The following FSTL5 variants were observed in gnomAD, a reference collection of about 807,000 sequenced individuals.
FSTL5 encodes the protein follistatin like 5, also known as follistatin-related protein 5.
FSTL5 carries 62 observed loss-of-function variants against 89.1 expected under a neutral mutation model. The observed-to-expected ratio is 0.70, with a 90% CI of 0.57 to 0.86. The LOEUF (loss-of-function observed/expected upper bound fraction) is 0.86, where lower values mean the gene tolerates loss of function less well. Among genes scored for constraint, FSTL5 ranks in the 40% least tolerant of loss-of-function variants. The pLI is 0.00. For synonymous variants in FSTL5, 383 were observed against 346.2 expected (o/e 1.11, Z -1.18); for missense variants, 1,057 against 1,001.6 (o/e 1.06, Z -0.75).
intron 7 of FSTL5, among the ~76,000 whole-genome samples, chr4:161,644,979 T>G (rs1936311821): frequency 6.6e-6 from 1 of 152,164 alleles, no homozygotes; most frequent in African/African-American, 2.4e-5. Context: ...CAGACTTGGT[T>G]TTCTAGCTAT....
chr4:161,907,284 G>T (rs748215503), intron 4 of FSTL5, among the ~76,000 whole-genome samples: 1 of 151,916 alleles, frequency 6.6e-6, no homozygotes, highest in Non-Finnish European at 1.5e-5. Context: ...AATTGATATG[G>T]GTCTATCTGC....
chr4:161,976,985 G>T (rs1735669954), intron 3 of FSTL5, among the ~76,000 whole-genome samples: 1 of 152,064 alleles, frequency 6.6e-6, no homozygotes, highest in Non-Finnish European at 1.5e-5. Context: ...GACTATAATG[G>T]CTATCTTCAT....
rs151011924 is a variant in FSTL5 at position 161,566,524 on chromosome 4, ATCGCCAAACTGT to A, written c.1015+20919_1015+20930del. On this transcript the variant is annotated intron_variant, in intron 8 of 15. Coordinates refer to ENST00000306100, the MANE Select transcript of FSTL5 (RefSeq NM_020116.5). Reference sequence around the variant, plus strand: ...AGTTCAAGTTTTAGTTTTTTGAGAAATCGCCAAACTGTTCTCCACAGTGGCTGTACTAATTGA... The same window carrying A: ...AGTTCAAGTTTTAGTTTTTTGAGAAATCTCCACAGTGGCTGTACTAATTGA... Among the ~76,000 whole-genome samples, 662 of 152,204 alleles carry A rather than the reference ATCGCCAAACTGT, an allele frequency of 4.3e-3. 1 individual carries two copies. The highest frequency in any genetic ancestry group is 0.015 in the African/African-American group (626 of 41,560).
chr4:162,137,967 T>C (rs1026991342), intron 1 of FSTL5, among the ~76,000 whole-genome samples: 11 of 152,124 alleles, frequency 7.2e-5, no homozygotes, highest in African/African-American at 2.4e-4. Context: ...CCTGGCAAGC[T>C]GGGGGACTCC....
chr4:161,458,258 C>A (rs1380853760), intron 14 of FSTL5, among the ~76,000 whole-genome samples: 1 of 152,154 alleles, frequency 6.6e-6, no homozygotes, highest in East Asian at 1.9e-4. Flanking sequence ...TAAGACCTCA[C>A]ATTCTGAGAG....
intron 9 of FSTL5, among the ~76,000 whole-genome samples, chr4:161,539,971 C>T (rs2126541598): frequency 6.7e-6 from 1 of 150,148 alleles, no homozygotes; most frequent in Non-Finnish European, 1.5e-5. Flanking sequence ...TTTTGAAATA[C>T]CAAATAAATT....
At chr4:162,101,118 T>C (rs1192686453) in intron 2 of FSTL5, among the ~76,000 whole-genome samples, 4 of 152,208 alleles carry the variant, frequency 2.6e-5, no homozygotes, top group African/African-American at 9.7e-5. Context: ...GCTTTTCTTG[T>C]ACCTAGTCCG....
intron 1 of FSTL5, among the ~76,000 whole-genome samples, chr4:162,145,617 C>T (rs746015995): frequency 1.3e-5 from 2 of 152,042 alleles, no homozygotes; most frequent in Non-Finnish European, 2.9e-5. Flanking sequence ...GGGAAAAAAA[C>T]GGAGAATCAT....
At chr4:162,086,547 G>A (rs992996827) in intron 2 of FSTL5, among the ~76,000 whole-genome samples, 1 of 150,894 alleles carries the variant, frequency 6.6e-6, no homozygotes, top group South Asian at 2.1e-4. Flanking sequence ...CATCTCTGTG[G>A]GATGCATTGG....
intron 1 of FSTL5, among the ~76,000 whole-genome samples, chr4:162,121,283 T>C (rs1027093966): frequency 6.6e-6 from 1 of 152,014 alleles, no homozygotes; most frequent in African/African-American, 2.4e-5. Flanking sequence ...TTGCATAATA[T>C]TACAGTAGGC....
At chr4:162,160,080 A>G (rs1176861267) in intron 1 of FSTL5, among the ~76,000 whole-genome samples, 1 of 151,932 alleles carries the variant, frequency 6.6e-6, no homozygotes, top group Non-Finnish European at 1.5e-5. Context: ...CTAGAGTAGA[A>G]TTTACATATA....
chr4:162,111,275 T>C lies in FSTL5; in HGVS notation c.122A>G (p.His41Arg). 1.2e-6 allele frequency: 2 copies of C among 1,606,646 alleles called. No homozygotes were observed. Among genetic ancestry groups the C allele is most frequent in the Non-Finnish European group, 1.7e-6 (2 of 1,175,100 alleles). The change falls in exon 2 of 16, where the codon CAT (histidine) becomes CGT (arginine). Residue 41 changes from histidine (H) to arginine (R), a missense_variant. By Grantham distance (29) the His-to-Arg change is conservative. Transcript: ENST00000306100. ...GATTCAGAATATTGACTGTACCTTA[T>C]GTCGCAATCTCATTAGAGGCTGATA... ...KSYQPLMRLR[H>R]KQEKNQESSR...
chr4:161,733,390 T>G (rs568604736), intron 6 of FSTL5, among the ~76,000 whole-genome samples: 130 of 152,170 alleles, frequency 8.5e-4, no homozygotes, highest in African/African-American at 3.0e-3. Flanking sequence ...TTTTTATTTT[T>G]CTTTTCTTTT....
intron 15 of FSTL5, among the ~76,000 whole-genome samples, chr4:161,437,363 G>T (rs1404582557): frequency 6.6e-6 from 1 of 151,856 alleles, no homozygotes; most frequent in Admixed American, 6.6e-5. Context: ...TCAGGAGATC[G>T]AGACCATCCT....
At chr4:161,977,561 C>T (rs917192551) in intron 3 of FSTL5, among the ~76,000 whole-genome samples, 6 of 142,046 alleles carry the variant, frequency 4.2e-5, no homozygotes, top group Middle Eastern at 3.7e-3. Flanking sequence ...TGCAGTGAGC[C>T]GAGATCACGC....
intron 15 of FSTL5, among the ~76,000 whole-genome samples, chr4:161,432,042 G>A (rs1433527086): frequency 6.6e-6 from 1 of 152,212 alleles, no homozygotes; most frequent in South Asian, 2.1e-4. Flanking sequence ...TTTCAGCATT[G>A]GACAGATCAT....
intron 7 of FSTL5, among the ~76,000 whole-genome samples, chr4:161,588,649 A>G (rs76525904): frequency 0.011 from 1,636 of 152,294 alleles, 31 homozygotes; most frequent in African/African-American, 0.037. Flanking sequence ...AAATAGAGAA[A>G]GGTTCACAAT....
At chr4:161,763,734 T>C (rs1740886238) in intron 5 of FSTL5, among the ~76,000 whole-genome samples, 1 of 152,188 alleles carries the variant, frequency 6.6e-6, no homozygotes, top group South Asian at 2.1e-4. Context: ...GTTGAAGTCA[T>C]ATGCTCAGTG....
chr4:161,780,465 G>A (rs758021336), intron 4 of FSTL5, among the ~76,000 whole-genome samples: 7 of 152,142 alleles, frequency 4.6e-5, no homozygotes, highest in Non-Finnish European at 7.4e-5. Flanking sequence ...AGACCAGTGC[G>A]AAATCTCCTC....
Sources: gnomAD v4.1 joint callset for allele counts (sites outside exome capture counted in the v4.1 genomes callset) on GRCh38, gnomAD v4.1.1 for gene constraint, MANE v1.5 for transcripts, NCBI Gene and HGNC (gene_info 2026-07-23, HGNC 2026-07-21) for gene names.